Variants in TRMT2B observed in about 807,000 individuals in gnomAD.
The protein encoded by TRMT2B is tRNA methyltransferase 2B.
In TRMT2B, 34 loss-of-function variants were observed where a neutral mutation model predicts 39.7. The ratio of observed to expected loss-of-function variants is 0.86; its 90% CI spans 0.65 to 1.14. TRMT2B has a LOEUF of 1.14. Ranked by LOEUF, TRMT2B falls within the 50% of genes most tolerant of loss-of-function variation. The pLI, the probability that TRMT2B is intolerant of heterozygous loss-of-function variation, is 0.00. For missense variants in TRMT2B, 318 were observed against 377.2 expected (o/e 0.84, Z 1.30); for synonymous variants, 132 against 137.3 (o/e 0.96, Z 0.27).
intron 2 of TRMT2B, among the ~76,000 whole-genome samples, chrX:101,048,806 T>C (rs1245435473): frequency 1.8e-5 from 2 of 112,511 alleles, no homozygotes; most frequent in Non-Finnish European, 3.7e-5. Flanking sequence ...ATATTAATAC[T>C]TAAGTGCTAT....
At chrX:101,050,810 G>A (rs1374111073) in intron 2 of TRMT2B, among the ~76,000 whole-genome samples, 3 of 110,896 alleles carry the variant, frequency 2.7e-5, no homozygotes, top group Non-Finnish European at 5.7e-5. Context: ...TTGGGAGGCC[G>A]AGGCAGCCGG....
chrX:101,002,274 C>T, the TRMT2B span, among the ~76,000 whole-genome samples: 49,995 of 110,508 alleles, frequency 0.45, 9,022 homozygotes, highest in African/African-American at 0.65. Context: ...ATCTGCCATA[C>T]GGGGCCATTC....
intron 2 of TRMT2B, among the ~76,000 whole-genome samples, chrX:101,044,523 C>A (rs2088481080): frequency 9.0e-6 from 1 of 111,638 alleles, no homozygotes; most frequent in South Asian, 3.7e-4. Flanking sequence ...GAGTTCCAGA[C>A]CAGCCTGGCC....
At chrX:100,991,309 C>T in the TRMT2B span, among the ~76,000 whole-genome samples, 1 of 111,486 alleles carries the variant, frequency 9.0e-6, no homozygotes, top group Admixed American at 9.6e-5. Flanking sequence ...TCTATATTAC[C>T]TTCACCATGA....
At chrX:101,020,440 G>C (rs1569475878) in intron 11 of TRMT2B, 47 bp downstream of exon 11, 1 of 1,066,047 alleles carries the variant, frequency 9.4e-7, no homozygotes, top group African/African-American at 1.8e-5. Context: ...CCATAGCACA[G>C]AAACAACTGC....
chrX:100,977,412 G>A, the TRMT2B span, among the ~76,000 whole-genome samples: 7 of 81,734 alleles, frequency 8.6e-5, no homozygotes, highest in East Asian at 1.2e-3. Flanking sequence ...ACGGAGTCTC[G>A]TTCTGTTGCT....
At chrX:100,994,305 G>A in the TRMT2B span, among the ~76,000 whole-genome samples, 2 of 111,674 alleles carry the variant, frequency 1.8e-5, no homozygotes, top group African/African-American at 6.5e-5. Context: ...TTGCCTTGGG[G>A]TTTCTTTTCT....
intron 7 of TRMT2B, among the ~76,000 whole-genome samples, chrX:101,028,980 G>C (rs924734088): frequency 2.7e-5 from 3 of 111,820 alleles, no homozygotes; most frequent in African/African-American, 9.7e-5. Flanking sequence ...GGAACTGTGA[G>C]TCAATTAAAC....
rs12116149 is a variant in TRMT2B, at chrX:101,051,236, T to C, written c.-24+15A>G. The C allele has an allele frequency of 9.8e-3, 7,267 of 741,456 alleles. 437 individuals are homozygous for C. The African/African-American group carries it at 0.16, about 16-fold the overall frequency. The allele number at this position is 741,456 out of a possible 1,213,427, so 61.1% of individuals were successfully genotyped here. ...AGAGAGGTTCAAATCAAAGAGACTA[T>C]GTGGTAGGTCTCACCTGCGCAGGGC... On this transcript the variant is annotated intron_variant, in intron 2 of 13. Coordinates refer to ENST00000372936, the MANE Select transcript of TRMT2B (RefSeq NM_024917.6).
At chrX:100,986,689 T>G in the TRMT2B span, 1 of 474,700 alleles carries the variant, frequency 2.1e-6, no homozygotes, top group Non-Finnish European at 3.6e-6. Context: ...ATGTAGCAGT[T>G]ATAGTAGAAT....
chrX:101,008,193 G>A (rs1202344256), downstream of TRMT2B, among the ~76,000 whole-genome samples: 1 of 111,776 alleles, frequency 8.9e-6, no homozygotes, highest in Non-Finnish European at 1.9e-5. Context: ...ATACAGGAAT[G>A]AAAAGGAACT....
At chrX:101,024,789 C>T (rs1218635073) in intron 7 of TRMT2B, among the ~76,000 whole-genome samples, 1 of 110,402 alleles carries the variant, frequency 9.1e-6, no homozygotes, top group Non-Finnish European at 1.9e-5. Flanking sequence ...CCACTGCACT[C>T]CAGCCTGGGC....
chrX:101,045,396 G>C (rs1418177706), intron 2 of TRMT2B, among the ~76,000 whole-genome samples: 1 of 102,797 alleles, frequency 9.7e-6, no homozygotes, highest in Non-Finnish European at 2.0e-5. Context: ...GGAGGTTGCG[G>C]TGAGCCGAGA....
the TRMT2B span, among the ~76,000 whole-genome samples, chrX:100,998,878 G>A: frequency 9.0e-6 from 1 of 111,494 alleles, no homozygotes; most frequent in African/African-American, 3.3e-5. Flanking sequence ...CACTGTGCTA[G>A]GTGTTACATA....
chrX:101,001,977 TTTTTTG>T, the TRMT2B span, among the ~76,000 whole-genome samples: 1 of 111,194 alleles, frequency 9.0e-6, no homozygotes, highest in East Asian at 2.8e-4. Flanking sequence ...GTTTGTTTGC[TTTTTTG>T]TTTTTAACTG....
chrX:101,037,730 A>G (rs1479646082), intron 5 of TRMT2B, among the ~76,000 whole-genome samples, 187 bp downstream of exon 5: 2 of 111,529 alleles, frequency 1.8e-5, no homozygotes, highest in Non-Finnish European at 3.8e-5. Flanking sequence ...TCTGGGCCTC[A>G]AGGTCTTCAT....
intron 13 of TRMT2B, among the ~76,000 whole-genome samples, 169 bp downstream of exon 13, chrX:101,018,802 C>T (rs1423596448): frequency 8.9e-6 from 1 of 112,006 alleles, no homozygotes; most frequent in East Asian, 2.8e-4. Context: ...CTTGCCTCAT[C>T]CCTGACCCAG....
rs764580181 is a variant in TRMT2B at position 101,041,346 on chromosome X, A to C, written c.274T>G (p.Trp92Gly). 7.4e-6 allele frequency: 9 copies of C among 1,208,659 alleles called. No individual in the cohort carries two copies. In the African/African-American group the frequency reaches 1.6e-4, roughly 21 times the overall value. The change falls in exon 4 of 14, where the codon TGG (tryptophan) becomes GGG (glycine). Residue 92 changes from tryptophan (W) to glycine (G), a missense_variant. Coordinates refer to ENST00000372936, the MANE Select transcript of TRMT2B (RefSeq NM_024917.6). ...ERLADVVTPLWRLSYEEQLKV... is the reference protein window; with the variant it reads ...ERLADVVTPLGRLSYEEQLKV... ...AGCTGTTCTTCATAGCTCAACCTCCAGAGTGGTGTCACAACATCAGCCAGC... is the reference window on the plus strand; with the variant it reads ...AGCTGTTCTTCATAGCTCAACCTCCCGAGTGGTGTCACAACATCAGCCAGC...
intron 2 of TRMT2B, among the ~76,000 whole-genome samples, chrX:101,046,975 T>G (rs932250670): frequency 9.0e-6 from 1 of 111,391 alleles, no homozygotes; most frequent in Non-Finnish European, 1.9e-5. Flanking sequence ...CTCACGCCTA[T>G]AATCCCAGCA....
Sources: allele counts gnomAD v4.1 joint callset (sites outside exome capture counted in the v4.1 genomes callset), GRCh38; gene constraint gnomAD v4.1.1; transcripts MANE v1.5; gene names NCBI Gene and HGNC (gene_info 2026-07-23, HGNC 2026-07-21).